TRIM5: variants seen among roughly 807,000 people sequenced by gnomAD.
TRIM5 encodes the protein tripartite motif containing 5.
Under a neutral mutation model 35.6 loss-of-function variants are expected in TRIM5, and 31 were observed. The ratio of observed to expected loss-of-function variants is 0.87; its 90% CI spans 0.65 to 1.18. The LOEUF (loss-of-function observed/expected upper bound fraction) is 1.18, where lower values mean the gene tolerates loss of function less well. Ranked by LOEUF, TRIM5 falls within the 50% of genes most tolerant of loss-of-function variation. The pLI is 0.00. For missense variants in TRIM5, 609 were observed against 591.6 expected (o/e 1.03, Z -0.31); for synonymous variants, 243 against 215.6 (o/e 1.13, Z -1.11).
chr11:5,640,598 C>A, the TRIM5 span, among the ~76,000 whole-genome samples: 1 of 151,958 alleles, frequency 6.6e-6, no homozygotes, highest in Non-Finnish European at 1.5e-5. Context: ...CTATGGTTTT[C>A]TTTTCTTGTG....
In TRIM5 at chr11:5,667,698, A is replaced by G; in HGVS notation, c.758T>C (p.Val253Ala). The G allele has an allele frequency of 6.2e-7, 1 of 1,613,748 alleles. No individual in the cohort carries two copies. Among genetic ancestry groups the G allele is most frequent in the Non-Finnish European group, 8.5e-7 (1 of 1,179,884 alleles). Residue 253 changes from valine to alanine, a missense_variant, in exon 5 of 8, where the codon GTC (valine) becomes GCC (alanine). Transcript: ENST00000380034. ...GTCCTCCCACACATACCTTTTTATG[A>G]CGCCATCCACACCCTAGGAAGAAGA... ...VMELLQGVDG[V>A]IKRTENVTLK...
At chr11:5,654,171 T>C in the TRIM5 span, among the ~76,000 whole-genome samples, 1 of 152,136 alleles carries the variant, frequency 6.6e-6, no homozygotes, top group South Asian at 2.1e-4. Flanking sequence ...ATTTTTTCCT[T>C]GAAACCTTTT....
At chr11:5,656,909 C>T in the TRIM5 span, among the ~76,000 whole-genome samples, 6 of 152,162 alleles carry the variant, frequency 3.9e-5, no homozygotes, top group African/African-American at 7.2e-5. Context: ...GTGGCGATTC[C>T]TCAAGTATCT....
the TRIM5 span, among the ~76,000 whole-genome samples, chr11:5,637,769 T>A: frequency 6.6e-6 from 1 of 152,208 alleles, no homozygotes; most frequent in Admixed American, 6.5e-5. Context: ...TGCTCTACTT[T>A]GATAACCACT....
the TRIM5 span, chr11:5,596,816 T>C: frequency 6.2e-7 from 1 of 1,610,828 alleles, no homozygotes; most frequent in African/African-American, 1.3e-5. Flanking sequence ...AAGATTAGTT[T>C]AAGGTGCCTT....
chr11:5,603,701 C>A, the TRIM5 span: 8 of 1,613,380 alleles, frequency 5.0e-6, no homozygotes, highest in Non-Finnish European at 6.8e-6. Flanking sequence ...GGTCACCACA[C>A]GTTCCTCGTG....
chr11:5,663,940 G>T lies in TRIM5; in HGVS notation c.*869C>A, dbSNP rs747761151. ...GCACAGGCTGGGCGCCGTGGCTCAC[G>T]CCTGTAATCCCAGCACTTTGGGAGG... On this transcript the variant is annotated 3_prime_UTR_variant, in exon 8 of 8. Coordinates refer to ENST00000380034, the MANE Select transcript of TRIM5 (RefSeq NM_033034.3). 1 of 153,436 alleles carries T rather than the reference G, an allele frequency of 6.5e-6. No homozygotes were observed. Among genetic ancestry groups the T allele is most frequent in the Non-Finnish European group, 1.4e-5 (1 of 69,198 alleles). 9.5% of individuals were successfully genotyped at this position (153,436 alleles called of 1,614,324 possible).
chr11:5,663,432 A>T lies in TRIM5; in HGVS notation c.*1377T>A. The T allele has an allele frequency of 1.0e-6, 1 of 985,212 alleles. No homozygotes were observed. Among genetic ancestry groups the T allele is most frequent in the Non-Finnish European group, 1.2e-6 (1 of 829,708 alleles). 61.0% of individuals were successfully genotyped at this position (985,212 alleles called of 1,614,324 possible). A position where few individuals can be genotyped will look rare whatever the true frequency, so the allele number is the denominator to read the frequency against. On this transcript the variant is annotated 3_prime_UTR_variant, in exon 8 of 8. Coordinates refer to ENST00000380034, the MANE Select transcript of TRIM5 (RefSeq NM_033034.3). ...TGACAGTAGTATCTGAGATCTAAAA[A>T]ATGAGAATTTAGTAAATCCAATCCT...
the TRIM5 span, among the ~76,000 whole-genome samples, chr11:5,591,407 G>A: frequency 6.6e-6 from 1 of 152,142 alleles, no homozygotes; most frequent in African/African-American, 2.4e-5. Context: ...CTAGCACTTT[G>A]GGAGGCCGAG....
At chr11:5,643,128 T>TATAGA in the TRIM5 span, 3 of 1,312,840 alleles carry the variant, frequency 2.3e-6, no homozygotes, top group South Asian at 2.2e-5. Context: ...TATATATATT[T>TATAGA]TTTTTTTTCT....
chr11:5,590,265 T>C, the TRIM5 span: 23 of 161,968 alleles, frequency 1.4e-4, no homozygotes, highest in Admixed American at 1.4e-3. Flanking sequence ...GGAGTGCGGG[T>C]GCATGGCGCA....
At chr11:5,596,891 T>G in the TRIM5 span, 4 of 1,613,860 alleles carry the variant, frequency 2.5e-6, no homozygotes, top group Admixed American at 1.7e-5. Flanking sequence ...GGCTTCTCAT[T>G]CCCCAGATGT....
the TRIM5 span, among the ~76,000 whole-genome samples, chr11:5,652,894 T>G: frequency 1.3e-5 from 2 of 150,928 alleles, no homozygotes; most frequent in Non-Finnish European, 3.0e-5. Flanking sequence ...CTCTGTTGCC[T>G]AGGCTGGAGT....
At chr11:5,635,647 T>A in the TRIM5 span, among the ~76,000 whole-genome samples, 1 of 152,200 alleles carries the variant, frequency 6.6e-6, no homozygotes, top group East Asian at 1.9e-4. Flanking sequence ...GTGCTCTCCT[T>A]TCTTTGCTGA....
At chr11:5,645,103 C>T in the TRIM5 span, among the ~76,000 whole-genome samples, 1 of 152,188 alleles carries the variant, frequency 6.6e-6, no homozygotes, top group East Asian at 1.9e-4. Context: ...TGCCTTGGCT[C>T]ATGCCGGTAA....
intron 4 of TRIM5, chr11:5,677,926 C>G (rs1852117475): frequency 3.7e-6 from 1 of 272,806 alleles, no homozygotes. Flanking sequence ...TAAGTCTCAA[C>G]ACTAGAATAC....
At chr11:5,625,848 T>C in the TRIM5 span, among the ~76,000 whole-genome samples, 1 of 152,262 alleles carries the variant, frequency 6.6e-6, no homozygotes, top group Non-Finnish European at 1.5e-5. Context: ...CACCTTGGCA[T>C]TGATTTGTAA....
the TRIM5 span, chr11:5,643,086 A>G: frequency 3.9e-6 from 5 of 1,267,164 alleles, no homozygotes; most frequent in African/African-American, 4.5e-5. Flanking sequence ...CTAATCATAT[A>G]TATCACACAG....
At chr11:5,597,919 A>T in the TRIM5 span, among the ~76,000 whole-genome samples, 2 of 112,384 alleles carry the variant, frequency 1.8e-5, no homozygotes, top group Admixed American at 1.9e-4. Context: ...CACCTAGAGA[A>T]CTTTAATATT....
Sources: allele counts gnomAD v4.1 joint callset (sites outside exome capture counted in the v4.1 genomes callset), GRCh38; gene constraint gnomAD v4.1.1; transcripts MANE v1.5; gene names NCBI Gene and HGNC (gene_info 2026-07-23, HGNC 2026-07-21).